VPS13C: variants seen among roughly 807,000 people sequenced by gnomAD.
The protein encoded by VPS13C is vacuolar protein sorting 13 homolog C, also known as intermembrane lipid transfer protein VPS13C.
VPS13C carries 358 observed loss-of-function variants against 456.8 expected under a neutral mutation model. The observed-to-expected ratio is 0.78, with a 90% confidence interval of 0.72 to 0.86. VPS13C has a LOEUF of 0.86. Among genes scored for constraint, VPS13C ranks in the 40% least tolerant of loss-of-function variants. The probability of loss-of-function intolerance (pLI) is 0.00; values close to 1 mark genes in which losing one functional copy is unlikely to be tolerated. For missense variants in VPS13C, 4,818 were observed against 4,385.4 expected, an observed-to-expected ratio of 1.10 and a Z score of -2.79; for synonymous variants, 1,578 against 1,486.7, an observed-to-expected ratio of 1.06 and a Z score of -1.41.
chr15:61,968,468 T>G (rs1368298713), intron 28 of VPS13C, among the ~76,000 whole-genome samples: 1 of 152,092 alleles, frequency 6.6e-6, no homozygotes, highest in Non-Finnish European at 1.5e-5. Flanking sequence ...CCATGGATTT[T>G]GGTACCCACA....
intron 2 of VPS13C, among the ~76,000 whole-genome samples, chr15:62,042,944 AAT>A (rs1258454062): frequency 6.6e-6 from 1 of 150,588 alleles, no homozygotes. Context: ...AAAATTACAA[AAT>A]AGTTTATTAT....
At chr15:62,034,151 C>T (rs1311529067) in intron 4 of VPS13C, among the ~76,000 whole-genome samples, 1 of 151,446 alleles carries the variant, frequency 6.6e-6, no homozygotes. Context: ...AAGCTAAAAA[C>T]AGTAGGTAGC....
intron 4 of VPS13C, among the ~76,000 whole-genome samples, chr15:62,033,747 A>G (rs1337233590): frequency 6.6e-6 from 1 of 151,812 alleles, no homozygotes; most frequent in African/African-American, 2.4e-5. Context: ...GAAGGAGGGA[A>G]GAAAAGAAAT....
In VPS13C at chr15:61,961,686, C is replaced by T; in HGVS notation, c.3811G>A (p.Val1271Ile). The change falls in exon 35 of 85, where the codon GTT becomes ATT. Residue 1271 changes from valine to isoleucine, a missense_variant. Physicochemically the swap from Val to Ile is conservative, Grantham distance 29. Transcript: ENST00000644861. Reference sequence around the variant, plus strand: ...GACACCAGACTGAACTGATTATGAACTCTGATTAACCCAAGATCTACCACT... The same window carrying T: ...GACACCAGACTGAACTGATTATGAATTCTGATTAACCCAAGATCTACCACT... The part of the protein sequence containing the change: ...AVVVDLGLIR[V>I]HNQFSLVSDE... 8.1e-6 allele frequency: 13 copies of T among 1,613,458 alleles called. No individual in the cohort carries two copies. The highest frequency in any genetic ancestry group is 1.1e-5 in the Non-Finnish European group (13 of 1,179,786).
Position 61,929,618 on chromosome 15 carries a change from G to A in VPS13C, c.6169C>T (p.Leu2057=), listed in dbSNP as rs754994281. 6.2e-7 allele frequency: 1 copy of A among 1,613,910 alleles called. No individual in the cohort carries two copies. Among genetic ancestry groups the A allele is most frequent in the African/African-American group, 1.3e-5 (1 of 74,872 alleles). Residue 2057 remains leucine (L), a synonymous_variant, in exon 51 of 85, where the codon CTG becomes TTG. Coordinates refer to ENST00000644861, the MANE Select transcript of VPS13C (RefSeq NM_020821.3). ...KLYVCASVEF[L]MTVADFFIKA... ...ATAAAGAAATCTGCCACAGTCATCA[G>A]AAATTCCACACTGGCACATACATAC...
intron 61 of VPS13C, 104 bp from the exon 62 acceptor site, chr15:61,913,519 G>C: frequency 1.1e-6 from 1 of 918,014 alleles, no homozygotes; most frequent in Non-Finnish European, 1.7e-6. Context: ...TAGTACCGTG[G>C]GACACAGAAA....
At chr15:61,967,876 C>T (rs1328565174) in intron 28 of VPS13C, among the ~76,000 whole-genome samples, 2 of 151,818 alleles carry the variant, frequency 1.3e-5, no homozygotes, top group Non-Finnish European at 2.9e-5. Flanking sequence ...CCTTTATATC[C>T]TGAGGTAGAT....
At chr15:61,965,311 A>G (rs999000584) in intron 30 of VPS13C, among the ~76,000 whole-genome samples, 2 of 151,936 alleles carry the variant, frequency 1.3e-5, no homozygotes, top group Non-Finnish European at 2.9e-5. Flanking sequence ...AAGGACAATT[A>G]TGAATGGGTT....
intron 16 of VPS13C, among the ~76,000 whole-genome samples, chr15:61,993,039 C>T (rs572470952): frequency 6.6e-6 from 1 of 151,990 alleles, no homozygotes; most frequent in South Asian, 2.1e-4. Context: ...GAAATGACAC[C>T]CAATTAAATG....
chr15:61,969,148 T>G, intron 28 of VPS13C, 151 bp downstream of exon 28: 1 of 504,350 alleles, frequency 2.0e-6, no homozygotes, highest in Non-Finnish European at 3.3e-6. Flanking sequence ...CCCATAGCAC[T>G]GCTATAAGGA....
chr15:62,059,489 G>A (rs1453102812), intron 1 of VPS13C, among the ~76,000 whole-genome samples: 1 of 152,156 alleles, frequency 6.6e-6, no homozygotes, highest in Non-Finnish European at 1.5e-5. Context: ...GTATGTTTAA[G>A]TACACTATTT....
At chr15:61,996,498 A>G (rs12443311) in intron 16 of VPS13C, among the ~76,000 whole-genome samples, 1 of 151,840 alleles carries the variant, frequency 6.6e-6, no homozygotes, top group African/African-American at 2.4e-5. Flanking sequence ...GAAAATGTAA[A>G]CAATTCTCAA....
intron 3 of VPS13C, among the ~76,000 whole-genome samples, chr15:62,040,764 A>G (rs2140707707): frequency 6.6e-6 from 1 of 152,312 alleles, no homozygotes; most frequent in East Asian, 1.9e-4. Context: ...AGCATGGACT[A>G]GATGGGAAGA....
At position 61,949,600 on chromosome 15, in the gene VPS13C, T is replaced by C. The variant is rs369741066; in HGVS notation, c.4602A>G (p.Ser1534=). The C allele has an allele frequency of 5.0e-6, 8 of 1,594,474 alleles. No individual in the cohort carries two copies. In the African/African-American group the frequency reaches 5.5e-5, roughly 11 times the overall value. ...GAAGTACTAAGTCTAAGGATGCAAA[T>C]GAAACCTAAGATAATGAACAATTAA... ...HDSTKQRLKV[S]FASLDLVLHL... Residue 1534 remains serine, a synonymous_variant, in exon 42 of 85, where the codon TCA becomes TCG. Coordinates refer to ENST00000644861, the MANE Select transcript of VPS13C (RefSeq NM_020821.3).
At chr15:61,864,519 G>C (rs936810855) in intron 81 of VPS13C, 1 of 868,290 alleles carries the variant, frequency 1.2e-6, no homozygotes, top group Non-Finnish European at 1.4e-6. Context: ...GACATTTTAC[G>C]ACCAAGAATA....
intron 66 of VPS13C, among the ~76,000 whole-genome samples, chr15:61,899,923 T>C (rs1462114122): frequency 6.6e-6 from 1 of 152,054 alleles, no homozygotes; most frequent in Non-Finnish European, 1.5e-5. Flanking sequence ...CATGATCAAG[T>C]GGGCTTCATC....
intron 67 of VPS13C, among the ~76,000 whole-genome samples, chr15:61,888,522 C>A (rs112253542): frequency 1.0e-3 from 153 of 152,006 alleles, no homozygotes; most frequent in African/African-American, 3.0e-3. Flanking sequence ...TTCAATAATA[C>A]AAAGAAATGA....
At chr15:61,921,257 AAAG>A (rs1185247695) in intron 55 of VPS13C, among the ~76,000 whole-genome samples, 1 of 152,134 alleles carries the variant, frequency 6.6e-6, no homozygotes, top group Non-Finnish European at 1.5e-5. Context: ...ATCTTTAACA[AAAG>A]AATATGTGGA....
intron 18 of VPS13C, among the ~76,000 whole-genome samples, chr15:61,988,026 C>T (rs1024468287): frequency 3.9e-5 from 6 of 152,058 alleles, no homozygotes; most frequent in African/African-American, 7.2e-5. Context: ...TATATTCATA[C>T]AATGAAATAC....
Sources: gnomAD v4.1 joint callset for allele counts (sites outside exome capture counted in the v4.1 genomes callset) on GRCh38, gnomAD v4.1.1 for gene constraint, MANE v1.5 for transcripts, NCBI Gene and HGNC (gene_info 2026-07-23, HGNC 2026-07-21) for gene names.